TFAP2E: variants seen among roughly 807,000 people sequenced by gnomAD.
TFAP2E encodes transcription factor AP-2 epsilon.
A neutral mutation model predicts 37.9 loss-of-function variants in TFAP2E; 30 were observed. That is an observed-to-expected ratio of 0.79 (90% confidence interval 0.59 to 1.07). The LOEUF (loss-of-function observed/expected upper bound fraction) is 1.07. TFAP2E is among the 50% of genes least tolerant of loss of function. The pLI, the probability that TFAP2E is intolerant of heterozygous loss-of-function variation, is 0.00. For missense variants in TFAP2E, 567 were observed against 637.9 expected (o/e 0.89, Z 1.20); for synonymous variants, 318 against 295.8 (o/e 1.08, Z -0.77).
At position 35,588,248 on chromosome 1, in the gene TFAP2E, C is replaced by T; in HGVS notation, c.563-82C>T. The T allele has an allele frequency of 7.1e-7, 1 of 1,405,484 alleles. No individual in the cohort carries two copies. The highest frequency in any genetic ancestry group is 9.6e-7 in the Non-Finnish European group (1 of 1,039,838). The allele number at this position is 1,405,484 out of a possible 1,614,324, so 87.1% of individuals were successfully genotyped here. ...CTCACTGTGGCTCAGTTTCTCCCTT[C>T]ATAAAGCAAGGATACCAGACCCTCC... On this transcript the variant is annotated intron_variant, in intron 3 of 6. Transcript: ENST00000373235. The surrounding 1 kb of genome is among the most constrained non-coding windows in gnomAD (Gnocchi z 5.1).
intron 3 of TFAP2E, among the ~76,000 whole-genome samples, chr1:35,582,002 A>G (rs1649364937): frequency 6.6e-6 from 1 of 151,970 alleles, no homozygotes; most frequent in Non-Finnish European, 1.5e-5. Flanking sequence ...CAGCCTCCCC[A>G]GTAGCTAGGA....
chr1:35,590,742 T>C lies in TFAP2E; in HGVS notation c.1013T>C (p.Leu338Pro), dbSNP rs938991340. Residue 338 changes from leucine (L) to proline (P), a missense_variant, in exon 6 of 7, where the codon CTG becomes CCG. By Grantham distance (98) the Leu-to-Pro change is moderately conservative. Transcript: ENST00000373235. The surrounding 1 kb of genome is among the most constrained non-coding windows in gnomAD (Gnocchi z 6.2). ...CGACAGCACGCTGACCCGGGGGAGC[T>C]GCACAGCCGCAAGAGCATGCTGCTG... ...LCRQHADPGE[L>P]HSRKSMLLAA... 1.3e-6 allele frequency: 2 copies of C among 1,510,318 alleles called. No individual in the cohort carries two copies. Among genetic ancestry groups the C allele is most frequent in the Non-Finnish European group, 8.9e-7 (1 of 1,117,392 alleles). 93.6% of individuals were successfully genotyped at this position (1,510,318 alleles called of 1,614,324 possible). A position where few individuals can be genotyped will look rare whatever the true frequency, so the allele number is the denominator to read the frequency against.
chr1:35,584,786 G>A lies in TFAP2E; in HGVS notation c.563-3544G>A, dbSNP rs139670429. Among the ~76,000 whole-genome samples, 93 of 151,746 alleles carry A rather than the reference G, an allele frequency of 6.1e-4. 2 individuals are homozygous for A. The East Asian group carries it at 0.012, about 19-fold the overall frequency. On this transcript the variant is annotated intron_variant, in intron 3 of 6. Coordinates refer to ENST00000373235, the MANE Select transcript of TFAP2E (RefSeq NM_178548.4). ...CTCCTGGGCTCAATCCTCCCACCTC[G>A]GCCTCCCAAAGTGCTGGGATTACAG...
At position 35,588,503 on chromosome 1, in the gene TFAP2E, T is replaced by C. The variant is rs1319283496; in HGVS notation, c.736T>C (p.Ser246Pro). The change falls in exon 4 of 7, where the codon TCG becomes CCG. Residue 246 changes from serine (S) to proline (P), a missense_variant. Transcript: ENST00000373235. The surrounding 1 kb of genome is among the most constrained non-coding windows in gnomAD (Gnocchi z 5.1). ...GGTGGGGGAGGTGCAGCGGCGACTC[T>C]CGCCTCCCGAGTGCCTCAACGCCTC... ...VTVGEVQRRL[S>P]PPECLNASLL... The C allele has an allele frequency of 6.2e-7, 1 of 1,606,478 alleles. No homozygotes were observed. Among genetic ancestry groups the C allele is most frequent in the Non-Finnish European group, 8.5e-7 (1 of 1,177,474 alleles).
chr1:35,591,229 A>T (rs2148554142), intron 6 of TFAP2E, among the ~76,000 whole-genome samples: 1 of 152,302 alleles, frequency 6.6e-6, no homozygotes, highest in African/African-American at 2.4e-5. Context: ...CCTGGAGCAC[A>T]CATAGACACT....
At chr1:35,574,439 G>A in intron 2 of TFAP2E, 30 bp downstream of exon 2, 1 of 1,380,288 alleles carries the variant, frequency 7.2e-7, no homozygotes, top group Non-Finnish European at 9.3e-7. Context: ...GGATGGGTCG[G>A]GACTGGCCGC....
At chr1:35,587,913 G>A (rs1251531789) in intron 3 of TFAP2E, among the ~76,000 whole-genome samples, 1 of 152,138 alleles carries the variant, frequency 6.6e-6, no homozygotes, top group Non-Finnish European at 1.5e-5. Flanking sequence ...TGGGAGGGCA[G>A]AGAGGAAAAA....
rs759512264 is a variant in TFAP2E at position 35,588,438 on chromosome 1, G to A, written c.671G>A (p.Arg224Gln). 1.9e-6 allele frequency: 3 copies of A among 1,611,388 alleles called. No individual in the cohort carries two copies. Among genetic ancestry groups the A allele is most frequent in the African/African-American group, 2.7e-5 (2 of 74,924 alleles). Residue 224 changes from arginine (R) to glutamine (Q), a missense_variant, in exon 4 of 7, where the codon CGG becomes CAG. By Grantham distance (43) the Arg-to-Gln change is conservative. Coordinates refer to ENST00000373235, the MANE Select transcript of TFAP2E (RefSeq NM_178548.4). The surrounding 1 kb of genome is among the most constrained non-coding windows in gnomAD (Gnocchi z 5.1). ...GAGGTCTTCTGCTCCGTGCCCGGCC[G>A]GCTTTCACTGCTCAGCTCAACGTCC... Reference protein sequence around the residue: ...PGEVFCSVPGRLSLLSSTSKY... With the variant: ...PGEVFCSVPGQLSLLSSTSKY...
At chr1:35,593,998 C>T (rs1044152592) in intron 6 of TFAP2E, among the ~76,000 whole-genome samples, 17 of 152,114 alleles carry the variant, frequency 1.1e-4, no homozygotes, top group South Asian at 2.1e-4. Flanking sequence ...TTATTATTTC[C>T]GGCAGATTCT....
At chr1:35,581,733 C>T (rs570382812) in intron 3 of TFAP2E, among the ~76,000 whole-genome samples, 7 of 151,580 alleles carry the variant, frequency 4.6e-5, no homozygotes, top group South Asian at 2.1e-4. Context: ...ACACCACGTC[C>T]GGCTAATTTT....
intron 6 of TFAP2E, among the ~76,000 whole-genome samples, chr1:35,591,040 T>C (rs551566813): frequency 2.0e-4 from 30 of 152,188 alleles, no homozygotes; most frequent in Non-Finnish European, 3.7e-4. Context: ...ACACGAGCAG[T>C]GAGCACACAC....
intron 3 of TFAP2E, among the ~76,000 whole-genome samples, chr1:35,579,720 T>C (rs1303137740): frequency 2.0e-5 from 3 of 151,990 alleles, no homozygotes; most frequent in African/African-American, 7.3e-5. Flanking sequence ...AGTGCAAAAA[T>C]CCACGATAAA....
At chr1:35,581,644 C>T (rs1207292471) in intron 3 of TFAP2E, among the ~76,000 whole-genome samples, 1 of 151,510 alleles carries the variant, frequency 6.6e-6, no homozygotes, top group Non-Finnish European at 1.5e-5. Flanking sequence ...GTGATCTCGG[C>T]TCACCGTAAC....
At chr1:35,574,589 C>G in intron 2 of TFAP2E, 180 bp downstream of exon 2, 1 of 1,121,206 alleles carries the variant, frequency 8.9e-7, no homozygotes, top group South Asian at 1.8e-5. Flanking sequence ...ATCAAGGCTG[C>G]CTGGCACTGA....
chr1:35,582,814 C>T (rs541017652), intron 3 of TFAP2E, among the ~76,000 whole-genome samples: 1 of 152,198 alleles, frequency 6.6e-6, no homozygotes, highest in South Asian at 2.1e-4. Flanking sequence ...CTCATGCTAC[C>T]ATACCATGCT....
chr1:35,590,152 T>C lies in TFAP2E; in HGVS notation c.904+104T>C, dbSNP rs1649616642. 9.4e-7 allele frequency: 1 copy of C among 1,063,996 alleles called. No individual in the cohort carries two copies. Among genetic ancestry groups the C allele is most frequent in the Non-Finnish European group, 1.4e-6 (1 of 694,194 alleles). 65.9% of individuals were successfully genotyped at this position (1,063,996 alleles called of 1,614,324 possible). A position where few individuals can be genotyped will look rare whatever the true frequency, so the allele number is the denominator to read the frequency against. ...GAGGGTGTGTTTAGTGGTGTGTGTG[T>C]ATCCGTGTAAGTGTTGCAGTATCTG... On this transcript the variant is annotated intron_variant, in intron 5 of 6. Coordinates refer to ENST00000373235, the MANE Select transcript of TFAP2E (RefSeq NM_178548.4). This position sits in a 1 kb window ranked among gnomAD's most constrained non-coding sequence, Gnocchi z 6.2.
intron 6 of TFAP2E, among the ~76,000 whole-genome samples, chr1:35,593,347 G>A (rs1239133007): frequency 6.6e-6 from 1 of 152,148 alleles, no homozygotes; most frequent in African/African-American, 2.4e-5. Context: ...ATAAATCTGA[G>A]AACTACCAGT....
rs1649790201 is a variant in TFAP2E at position 35,594,962 on chromosome 1, T to C, written c.*286T>C. 2.1e-6 allele frequency: 1 copy of C among 471,958 alleles called. No homozygotes were observed. Among genetic ancestry groups the C allele is most frequent in the African/African-American group, 2.0e-5 (1 of 50,856 alleles). The allele number at this position is 471,958 out of a possible 1,614,324, so 29.2% of individuals were successfully genotyped here. On this transcript the variant is annotated 3_prime_UTR_variant, in exon 7 of 7. Transcript: ENST00000373235. ...GACAGAAAATTGACATGAAAAGATC[T>C]GGCTCATGGGGCAGAGCCCTTTCCA...
intron 3 of TFAP2E, among the ~76,000 whole-genome samples, chr1:35,575,387 C>G (rs1368375088): frequency 6.6e-6 from 1 of 152,268 alleles, no homozygotes; most frequent in Non-Finnish European, 1.5e-5. Flanking sequence ...CTTTACAGTG[C>G]CTTAGCATTT....
Sources: gnomAD v4.1 joint callset for allele counts (sites outside exome capture counted in the v4.1 genomes callset) on GRCh38, gnomAD v4.1.1 for gene constraint, Gnocchi (gnomAD v3.1) non-coding constraint, MANE v1.5 for transcripts, NCBI Gene and HGNC (gene_info 2026-07-23, HGNC 2026-07-21) for gene names.